DACH2: variants seen among roughly 807,000 people sequenced by gnomAD.
DACH2 encodes the protein dachshund homolog 2.
In DACH2, 17 loss-of-function variants were observed where a neutral mutation model predicts 35.8. The ratio of observed to expected loss-of-function variants is 0.48; its 90% CI spans 0.33 to 0.71. DACH2 has a LOEUF of 0.71. Ranked by LOEUF, DACH2 falls within the 30% of genes least tolerant of loss-of-function variation. The pLI is 0.02. For synonymous variants in DACH2, 195 were observed against 177.3 expected (o/e 1.10, Z -0.79); for missense variants, 469 against 472.7 (o/e 0.99, Z 0.07).
intron 1 of DACH2, among the ~76,000 whole-genome samples, chrX:86,284,679 T>C (rs933487164): frequency 5.4e-5 from 6 of 111,517 alleles, no homozygotes; most frequent in Non-Finnish European, 9.4e-5. Context: ...AGGATTGGTA[T>C]TAGTTCTTCT....
At chrX:86,374,031 C>T (rs192894299) in intron 1 of DACH2, among the ~76,000 whole-genome samples, 1 of 111,119 alleles carries the variant, frequency 9.0e-6, no homozygotes, top group East Asian at 2.8e-4. Flanking sequence ...ATGAGCCTGA[C>T]ATTTTAACTG....
intron 6 of DACH2, among the ~76,000 whole-genome samples, chrX:86,737,930 A>C (rs1031333669): frequency 9.0e-6 from 1 of 110,749 alleles, no homozygotes; most frequent in Non-Finnish European, 1.9e-5. Flanking sequence ...CCCCTCTAGA[A>C]GTGCCCAATG....
chrX:86,281,315 C>T (rs1159900130), intron 1 of DACH2, among the ~76,000 whole-genome samples: 1 of 111,193 alleles, frequency 9.0e-6, no homozygotes, highest in Non-Finnish European at 1.9e-5. Context: ...ATCAAGTTGG[C>T]GTCATCCCTC....
chrX:86,794,870 G>A (rs1472295205), intron 7 of DACH2, among the ~76,000 whole-genome samples: 2 of 111,508 alleles, frequency 1.8e-5, no homozygotes, highest in Non-Finnish European at 3.8e-5. Context: ...AAGGTTAGAT[G>A]GTTACATGGA....
chrX:86,297,637 A>C (rs1318929099), intron 1 of DACH2, among the ~76,000 whole-genome samples: 1 of 112,120 alleles, frequency 8.9e-6, no homozygotes, highest in African/African-American at 3.2e-5. Context: ...GTGATAGCTG[A>C]ATTGTTACTG....
chrX:86,250,884 G>T (rs2033386780), intron 1 of DACH2, among the ~76,000 whole-genome samples: 3 of 111,110 alleles, frequency 2.7e-5, no homozygotes. Context: ...TGAGGCTACA[G>T]CATTGATTAT....
intron 1 of DACH2, among the ~76,000 whole-genome samples, chrX:86,244,764 A>T (rs2033243517): frequency 8.9e-6 from 1 of 112,412 alleles, no homozygotes; most frequent in African/African-American, 3.2e-5. Flanking sequence ...CAAGCATTAA[A>T]AAGTTTTTCA....
At chrX:86,645,018 T>A (rs1044763143) in intron 3 of DACH2, among the ~76,000 whole-genome samples, 2 of 110,942 alleles carry the variant, frequency 1.8e-5, no homozygotes, top group Non-Finnish European at 3.8e-5. Flanking sequence ...AAAGATTTCA[T>A]GAGAAGGACA....
In DACH2 at chrX:86,814,703, G is replaced by T. The variant is rs201550153; in HGVS notation, c.1553G>T (p.Arg518Leu). The T allele has an allele frequency of 8.3e-7, 1 of 1,210,879 alleles. No homozygotes were observed. Among genetic ancestry groups the T allele is most frequent in the East Asian group, 3.0e-5 (1 of 33,816 alleles). ...ELQSRTTMQK[R>L]LKKEKKTKRK... ...TACATTTCAGCTACTATGCAAAAGC[G>T]CCTGAAGAAGGAGAAAAAAACCAAG... The change falls in exon 10 of 12, where the codon CGC becomes CTC. Residue 518 changes from arginine (R) to leucine (L), a missense_variant. By Grantham distance (102) the Arg-to-Leu change is moderately radical (BLOSUM62 -2). Coordinates refer to ENST00000373125, the MANE Select transcript of DACH2 (RefSeq NM_053281.3).
chrX:86,372,023 CA>C (rs1483799324), intron 1 of DACH2, among the ~76,000 whole-genome samples: 1 of 111,034 alleles, frequency 9.0e-6, no homozygotes, highest in African/African-American at 3.3e-5. Flanking sequence ...TAGTAGTCCC[CA>C]AAATATGGCA....
chrX:86,224,465 A>G (rs1404781198), intron 1 of DACH2, among the ~76,000 whole-genome samples: 1 of 111,354 alleles, frequency 9.0e-6, no homozygotes, highest in Non-Finnish European at 1.9e-5. Context: ...AATCGTAACA[A>G]TAACGGTAAA....
chrX:86,740,501 C>A (rs1307210532), intron 7 of DACH2, among the ~76,000 whole-genome samples: 1 of 69,386 alleles, frequency 1.4e-5, no homozygotes, highest in Non-Finnish European at 2.6e-5. Flanking sequence ...TATCCCTCCC[C>A]CCTCCCCCCA....
At chrX:86,772,717 GT>G (rs2041998191) in intron 7 of DACH2, among the ~76,000 whole-genome samples, 1 of 111,149 alleles carries the variant, frequency 9.0e-6, no homozygotes, top group Non-Finnish European at 1.9e-5. Context: ...ATATGACAGG[GT>G]ATATTTCTAC....
chrX:86,318,671 A>T (rs2034959153), intron 1 of DACH2, among the ~76,000 whole-genome samples: 1 of 111,164 alleles, frequency 9.0e-6, no homozygotes, highest in African/African-American at 3.3e-5. Flanking sequence ...TCATTTTGGC[A>T]ATTCCATGTA....
At chrX:86,479,157 C>T (rs909799254) in intron 2 of DACH2, among the ~76,000 whole-genome samples, 21 of 111,267 alleles carry the variant, frequency 1.9e-4, no homozygotes, top group Non-Finnish European at 3.8e-5. Context: ...GATGGCCTGT[C>T]GGCATCTGCC....
Position 86,180,176 on chromosome X carries a change from G to GTATATATATATATATATATATATATATA in DACH2, c.488+31072_488+31099dup, listed in dbSNP as rs72366047. On this transcript the variant is annotated intron_variant, in intron 1 of 11. Coordinates refer to ENST00000373125, the MANE Select transcript of DACH2 (RefSeq NM_053281.3). ...TGTCCCCTAGCAACCATGCTAAACCGTATATATATATATATATATATATAT... is the reference window on the plus strand; with the variant it reads ...TGTCCCCTAGCAACCATGCTAAACCGTATATATATATATATATATATATATATATATATATATATATATATATATATAT... Among the ~76,000 whole-genome samples, 72 of 42,909 alleles carry GTATATATATATATATATATATATATATA rather than the reference G, an allele frequency of 1.7e-3. 4 individuals are homozygous for GTATATATATATATATATATATATATATA. Among genetic ancestry groups the GTATATATATATATATATATATATATATA allele is most frequent in the Non-Finnish European group, 2.6e-3 (55 of 21,185 alleles). 37.3% of individuals were successfully genotyped at this position (42,909 alleles called of 115,157 possible).
intron 2 of DACH2, among the ~76,000 whole-genome samples, chrX:86,459,856 G>C (rs1216097961): frequency 1.2e-5 from 1 of 81,011 alleles, no homozygotes; most frequent in Non-Finnish European, 2.4e-5. Flanking sequence ...ATGGGCTCTT[G>C]ACTTTTTATA....
At chrX:86,149,418 A>T (rs1010774388) in intron 1 of DACH2, among the ~76,000 whole-genome samples, 13 of 110,997 alleles carry the variant, frequency 1.2e-4, no homozygotes, top group African/African-American at 4.3e-4. Flanking sequence ...GTTATTTGTT[A>T]ATTTCTCTAT....
intron 7 of DACH2, among the ~76,000 whole-genome samples, chrX:86,784,517 T>C: frequency 8.9e-6 from 1 of 112,305 alleles, no homozygotes; most frequent in East Asian, 2.8e-4. Context: ...GGAACACTTA[T>C]ACACTGCTGG....
Sources: allele counts gnomAD v4.1 joint callset (sites outside exome capture counted in the v4.1 genomes callset), GRCh38; gene constraint gnomAD v4.1.1; transcripts MANE v1.5; gene names NCBI Gene and HGNC (gene_info 2026-07-23, HGNC 2026-07-21).